TENM4: variants seen among roughly 807,000 people sequenced by gnomAD.
TENM4 encodes teneurin transmembrane protein 4.
Under a neutral mutation model 243.3 loss-of-function variants are expected in TENM4, and 82 were observed. The observed-to-expected ratio is 0.34, with a 90% confidence interval of 0.28 to 0.40. The LOEUF (loss-of-function observed/expected upper bound fraction) is 0.40, where lower values mean the gene tolerates loss of function less well. Ranked by LOEUF, TENM4 falls within the 10% of genes least tolerant of loss-of-function variation. The pLI is 1.00. For missense variants in TENM4, 3,138 were observed against 3,673.3 expected (o/e 0.85, Z 3.77); for synonymous variants, 1,412 against 1,456.3 (o/e 0.97, Z 0.69).
chr11:79,141,537 T>A (rs1862285172), intron 4 of TENM4, among the ~76,000 whole-genome samples: 1 of 152,066 alleles, frequency 6.6e-6, no homozygotes, highest in South Asian at 2.1e-4. Context: ...ACCTGATGGC[T>A]TCACTGCTGA....
chr11:79,056,199 GA>G (rs1403124433), intron 6 of TENM4, among the ~76,000 whole-genome samples: 2 of 152,146 alleles, frequency 1.3e-5, no homozygotes, highest in Admixed American at 6.5e-5. Flanking sequence ...CACTGGAATT[GA>G]AAATCGTGTT....
chr11:78,934,499 A>T (rs1856741338), intron 6 of TENM4, among the ~76,000 whole-genome samples: 1 of 152,110 alleles, frequency 6.6e-6, no homozygotes, highest in Non-Finnish European at 1.5e-5. Context: ...CACGGGTTAG[A>T]CTGGCGGACC....
rs766114694 is a variant in TENM4 at position 78,738,491 on chromosome 11, T to G, written c.2836A>C (p.Asn946His). Residue 946 changes from asparagine (N) to histidine (H), a missense_variant, in exon 20 of 34, where the codon AAC (asparagine) becomes CAC (histidine). Transcript: ENST00000278550. ...LVGVNISFVN[N>H]PLFGYTISRQ... ...CTGATTGTATATCCAAAGAGAGGGT[T>G]ATTGACAAAACTGATGTTCACACCA... is the stretch of plus-strand genomic sequence containing the variant. 4 of 1,613,816 alleles carry G rather than the reference T, an allele frequency of 2.5e-6. No homozygotes were observed. The highest frequency in any genetic ancestry group is 3.4e-6 in the Non-Finnish European group (4 of 1,179,860).
At chr11:78,822,626 A>C (rs962415113) in intron 12 of TENM4, among the ~76,000 whole-genome samples, 6 of 152,200 alleles carry the variant, frequency 3.9e-5, no homozygotes, top group African/African-American at 1.4e-4. Context: ...TGTGGGGCTT[A>C]ATATCTAGAT....
At chr11:78,986,617 G>A (rs753210738) in intron 6 of TENM4, among the ~76,000 whole-genome samples, 56 of 152,194 alleles carry the variant, frequency 3.7e-4, no homozygotes, top group Non-Finnish European at 6.8e-4. Flanking sequence ...CGCCTAGAGC[G>A]CAGTGGTGTG....
Position 78,729,692 on chromosome 11 carries a change from A to C in TENM4, c.3139-49T>G, listed in dbSNP as rs1540126. The C allele has an allele frequency of 4.3e-4, 668 of 1,546,352 alleles. 1 individual carries two copies. In the African/African-American group the frequency reaches 7.1e-3, roughly 16 times the overall value. On this transcript the variant is annotated intron_variant, in intron 21 of 33. Coordinates refer to ENST00000278550, the MANE Select transcript of TENM4 (RefSeq NM_001098816.3). ...GCAAGGGACGGTCGTCGACTCACCG[A>C]GTGGAGGGAAGATGGCGTGGCCCCA...
intron 24 of TENM4, 145 bp from the exon 25 acceptor site, chr11:78,720,535 G>A (rs1859623724): frequency 3.7e-6 from 3 of 805,740 alleles, no homozygotes; most frequent in Non-Finnish European, 6.2e-6. Context: ...CTGTGACACT[G>A]ATGTATTTTA....
At chr11:78,973,945 G>T (rs1442899133) in intron 6 of TENM4, among the ~76,000 whole-genome samples, 2 of 152,022 alleles carry the variant, frequency 1.3e-5, no homozygotes, top group Non-Finnish European at 2.9e-5. Flanking sequence ...CTTTTAGGCA[G>T]AGGGCCCCAC....
rs575334048 is a variant in TENM4, at chr11:78,684,160, A to G, written c.5260+3894T>C. Among the ~76,000 whole-genome samples, 16 of 152,264 alleles carry G rather than the reference A, an allele frequency of 1.1e-4. No homozygotes were observed. In the East Asian group the frequency reaches 2.3e-3, roughly 22 times the overall value. On this transcript the variant is annotated intron_variant, in intron 29 of 33. Transcript: ENST00000278550. ...GCTCCGTTAATGAACAAATTCTCCA[A>G]TATTTGAGTGCGTGCTGTGAGAGGC...
chr11:78,931,019 A>G (rs1261119370), intron 6 of TENM4, among the ~76,000 whole-genome samples: 1 of 152,198 alleles, frequency 6.6e-6, no homozygotes, highest in East Asian at 1.9e-4. Flanking sequence ...TTGTTCCTTA[A>G]GCAAACATCT....
At chr11:79,003,789 C>A (rs1858399558) in intron 6 of TENM4, among the ~76,000 whole-genome samples, 1 of 152,022 alleles carries the variant, frequency 6.6e-6, no homozygotes, top group Non-Finnish European at 1.5e-5. Context: ...ACAATAAAGT[C>A]TGCATAATAA....
At chr11:79,248,746 C>T (rs906088724) in intron 2 of TENM4, among the ~76,000 whole-genome samples, 7 of 151,504 alleles carry the variant, frequency 4.6e-5, no homozygotes, top group Non-Finnish European at 1.0e-4. Flanking sequence ...GCATCTTCTG[C>T]TCGATATGGT....
At chr11:79,217,643 C>T (rs1048983054) in intron 2 of TENM4, among the ~76,000 whole-genome samples, 1 of 152,128 alleles carries the variant, frequency 6.6e-6, no homozygotes, top group African/African-American at 2.4e-5. Flanking sequence ...TAGGCAGGAA[C>T]ATTCAGCAGC....
At chr11:79,201,182 C>T (rs1311959359) in intron 3 of TENM4, among the ~76,000 whole-genome samples, 1 of 152,204 alleles carries the variant, frequency 6.6e-6, no homozygotes, top group African/African-American at 2.4e-5. Flanking sequence ...TGGCCTCATG[C>T]TATTCCATCA....
chr11:78,715,013 G>A (rs942204800), intron 25 of TENM4, among the ~76,000 whole-genome samples: 13 of 152,162 alleles, frequency 8.5e-5, no homozygotes, highest in Non-Finnish European at 1.8e-4. Flanking sequence ...GTTCTGCTTC[G>A]TGCCTTCTAG....
At chr11:78,794,769 G>A (rs1339171591) in intron 15 of TENM4, among the ~76,000 whole-genome samples, 1 of 152,176 alleles carries the variant, frequency 6.6e-6, no homozygotes, top group Non-Finnish European at 1.5e-5. Flanking sequence ...GAAGTGGCCT[G>A]GTTCTGGCCA....
At chr11:79,321,432 C>T (rs1313891341) in intron 1 of TENM4, among the ~76,000 whole-genome samples, 1 of 152,098 alleles carries the variant, frequency 6.6e-6, no homozygotes, top group Non-Finnish European at 1.5e-5. Context: ...TACAGCAACA[C>T]TGTTGATGGT....
chr11:78,993,916 T>A (rs1169200631), intron 6 of TENM4, among the ~76,000 whole-genome samples: 1 of 152,218 alleles, frequency 6.6e-6, no homozygotes, highest in Non-Finnish European at 1.5e-5. Context: ...TAATTTTTTA[T>A]TGTATACTGC....
At chr11:79,422,578 C>T (rs542930256) in intron 1 of TENM4, among the ~76,000 whole-genome samples, 1 of 152,298 alleles carries the variant, frequency 6.6e-6, no homozygotes, top group Admixed American at 6.5e-5. Context: ...GCCTAAAAAA[C>T]AACTCCCTCC....
Sources: gnomAD v4.1 joint callset for allele counts (sites outside exome capture counted in the v4.1 genomes callset) on GRCh38, gnomAD v4.1.1 for gene constraint, MANE v1.5 for transcripts, NCBI Gene and HGNC (gene_info 2026-07-23, HGNC 2026-07-21) for gene names.